TDRD5: variants seen among roughly 807,000 people sequenced by gnomAD.
TDRD5 encodes the protein tudor domain containing 5, also known as tudor domain-containing protein 5.
A neutral mutation model predicts 120.6 loss-of-function variants in TDRD5; 41 were observed. That is an observed-to-expected ratio of 0.34 (90% CI 0.26 to 0.44). TDRD5 has a LOEUF of 0.44. Among genes scored for constraint, TDRD5 ranks in the 20% least tolerant of loss-of-function variants. The pLI is 1.00. For synonymous variants in TDRD5, 430 were observed against 433.7 expected, an observed-to-expected ratio of 0.99 and a Z score of 0.11; for missense variants, 1,006 against 1,221.2, an observed-to-expected ratio of 0.82 and a Z score of 2.63.
intron 6 of TDRD5, among the ~76,000 whole-genome samples, chr1:179,629,835 G>A (rs925279877): frequency 2.6e-5 from 4 of 152,016 alleles, no homozygotes; most frequent in Non-Finnish European, 5.9e-5. Context: ...AATGTTTTCT[G>A]TTTAAGGAAT....
At chr1:179,631,863 T>G (rs1572372081) in intron 7 of TDRD5, among the ~76,000 whole-genome samples, 1 of 149,796 alleles carries the variant, frequency 6.7e-6, no homozygotes, top group Non-Finnish European at 1.5e-5. Context: ...TTTTTTTTTT[T>G]TTTTTTTTTT....
Position 179,690,797 on chromosome 1 carries a change from T to C in TDRD5, c.2962T>C (p.Leu988=), listed in dbSNP as rs1681107812. The C allele has an allele frequency of 1.9e-6, 3 of 1,614,118 alleles. No individual in the cohort carries two copies. Among genetic ancestry groups the C allele is most frequent in the African/African-American group, 2.7e-5 (2 of 74,944 alleles). Residue 988 remains leucine, a synonymous_variant, in exon 18 of 18, where the codon TTG becomes CTG. Transcript: ENST00000444136. ...KRQESVDQLS[L]ILSYECQISQ... is the part of the protein sequence containing the mutation. The stretch of plus-strand genomic sequence containing the variant: ...TCAAGAATCTGTAGACCAGCTGTCT[T>C]TGATTTTGTCTTATGAGTGCCAGAT...
intron 16 of TDRD5, among the ~76,000 whole-genome samples, chr1:179,668,164 A>G (rs1679650442): frequency 6.6e-6 from 1 of 152,210 alleles, no homozygotes; most frequent in Non-Finnish European, 1.5e-5. Flanking sequence ...CATAATGGTT[A>G]AAATTTGGCA....
intron 11 of TDRD5, among the ~76,000 whole-genome samples, chr1:179,647,571 C>T (rs967225753): frequency 6.6e-6 from 1 of 151,582 alleles, no homozygotes; most frequent in Non-Finnish European, 1.5e-5. Flanking sequence ...ACACCAAAAG[C>T]AATGGCAACA....
At chr1:179,600,693 T>C (rs1284358058) in intron 4 of TDRD5, among the ~76,000 whole-genome samples, 2 of 152,212 alleles carry the variant, frequency 1.3e-5, no homozygotes, top group African/African-American at 2.4e-5. Context: ...ATTTCCTCTT[T>C]GCTCTTAAGG....
Position 179,635,828 on chromosome 1 carries a change from C to T in TDRD5, c.1461C>T (p.Tyr487=), listed in dbSNP as rs761996983. 8.1e-6 allele frequency: 13 copies of T among 1,613,910 alleles called. No individual in the cohort carries two copies. Among genetic ancestry groups the T allele is most frequent in the South Asian group, 7.7e-5 (7 of 91,074 alleles). Residue 487 remains tyrosine, a synonymous_variant, in exon 9 of 18, where the codon TAC becomes TAT. Coordinates refer to ENST00000444136, the MANE Select transcript of TDRD5 (RefSeq NM_001199085.3). ...ATATCATCTCTCCTAGTCAATTCTACATCCGGATCTATAGCAGGGATTCGT... is the reference window on the plus strand; with the variant it reads ...ATATCATCTCTCCTAGTCAATTCTATATCCGGATCTATAGCAGGGATTCGT... The part of the protein sequence containing the change: ...VEYIISPSQF[Y]IRIYSRDSSE...
intron 1 of TDRD5, 154 bp downstream of exon 1, chr1:179,592,279 C>G (rs1675149214): frequency 7.1e-6 from 2 of 280,624 alleles, no homozygotes; most frequent in Non-Finnish European, 1.4e-5. Context: ...GGCCTTAGTT[C>G]CTAGTCCTGG....
intron 4 of TDRD5, among the ~76,000 whole-genome samples, chr1:179,599,383 T>C (rs1196165886): frequency 6.6e-6 from 1 of 152,132 alleles, no homozygotes; most frequent in Non-Finnish European, 1.5e-5. Context: ...CTCTTTATTC[T>C]GAAAGAGTTT....
At chr1:179,594,681 A>G (rs1022184439) in intron 3 of TDRD5, among the ~76,000 whole-genome samples, 2 of 152,228 alleles carry the variant, frequency 1.3e-5, no homozygotes, top group Non-Finnish European at 1.5e-5. Flanking sequence ...TTTTTCTCCA[A>G]CTTCTGCATT....
intron 14 of TDRD5, among the ~76,000 whole-genome samples, chr1:179,659,580 TGTGTGTGTGTGC>T (rs879514312): frequency 2.0e-4 from 29 of 144,470 alleles, no homozygotes; most frequent in Non-Finnish European, 3.1e-4. Context: ...TGTGTGTGTG[TGTGTGTGTGTGC>T]GCGCGCTTGC....
chr1:179,631,572 G>T (rs748983801), intron 7 of TDRD5, among the ~76,000 whole-genome samples: 1 of 152,166 alleles, frequency 6.6e-6, no homozygotes, highest in Non-Finnish European at 1.5e-5. Context: ...CCCAGCACTT[G>T]TATTTTTTAA....
rs12126190 is a variant in TDRD5, at chr1:179,630,850, C to T, written c.1056C>T (p.Leu352=). 9,763 of 1,614,030 alleles carry T rather than the reference C, an allele frequency of 6.0e-3. 47 individuals carry two copies. Among genetic ancestry groups the T allele is most frequent in the South Asian group, 0.011 (1,007 of 91,058 alleles). ...TELVGALSDI[L]HVEFRKGHQD... ...TTGTTGGAGCTCTTAGTGACATTCT[C>T]CATGTTGAGTTCAGGAAAGGACACC... The change falls in exon 7 of 18, where the codon CTC becomes CTT. Residue 352 remains leucine (L), a synonymous_variant. Transcript: ENST00000444136.
At position 179,690,823 on chromosome 1, in the gene TDRD5, T is replaced by A; in HGVS notation, c.2988T>A (p.Ile996=). The change falls in exon 18 of 18, where the codon ATT becomes ATA. Residue 996 remains isoleucine, a synonymous_variant. Transcript: ENST00000444136. ...LSLILSYECQ[I]SQKLYIPRST... is the part of the protein sequence containing the mutation. ...TGATTTTGTCTTATGAGTGCCAGAT[T>A]TCTCAGAAGCTCTACATTCCTCGAA... The A allele has an allele frequency of 6.2e-7, 1 of 1,614,240 alleles. No individual in the cohort carries two copies. Among genetic ancestry groups the A allele is most frequent in the Non-Finnish European group, 8.5e-7 (1 of 1,180,040 alleles).
intron 17 of TDRD5, among the ~76,000 whole-genome samples, chr1:179,681,003 A>G (rs958376404): frequency 1.3e-5 from 2 of 152,230 alleles, no homozygotes; most frequent in African/African-American, 2.4e-5. Flanking sequence ...AAAGATTCCA[A>G]TTAAAAGAAG....
chr1:179,639,040 G>A (rs1677906121), intron 9 of TDRD5, among the ~76,000 whole-genome samples: 1 of 152,216 alleles, frequency 6.6e-6, no homozygotes, highest in Non-Finnish European at 1.5e-5. Context: ...GTTTTGAAGT[G>A]CAGAAAGGAT....
intron 14 of TDRD5, among the ~76,000 whole-genome samples, chr1:179,659,494 T>A (rs2102089232): frequency 6.6e-6 from 1 of 152,088 alleles, no homozygotes; most frequent in East Asian, 1.9e-4. Flanking sequence ...CACAATTACT[T>A]TTTTTGCACT....
intron 4 of TDRD5, among the ~76,000 whole-genome samples, chr1:179,604,428 T>C (rs990006200): frequency 3.3e-5 from 5 of 152,086 alleles, no homozygotes; most frequent in African/African-American, 9.7e-5. Context: ...GGTTTGGGTT[T>C]GGTTTGTTTT....
At chr1:179,622,241 T>C (rs1676880817) in intron 6 of TDRD5, among the ~76,000 whole-genome samples, 1 of 152,178 alleles carries the variant, frequency 6.6e-6, no homozygotes, top group Non-Finnish European at 1.5e-5. Flanking sequence ...GAACTGAAGA[T>C]ATTTCAGCTG....
intron 17 of TDRD5, among the ~76,000 whole-genome samples, chr1:179,679,134 G>GTT (rs1680298650): frequency 6.6e-6 from 1 of 152,110 alleles, no homozygotes; most frequent in Non-Finnish European, 1.5e-5. Context: ...GCTGTTGCTT[G>GTT]TTTTAATTGA....
Sources: allele counts gnomAD v4.1 joint callset (sites outside exome capture counted in the v4.1 genomes callset), GRCh38; gene constraint gnomAD v4.1.1; transcripts MANE v1.5; gene names NCBI Gene and HGNC (gene_info 2026-07-23, HGNC 2026-07-21).